Variants in CORO1C observed in about 807,000 individuals in gnomAD.
The protein encoded by CORO1C is coronin 1C.
A neutral mutation model predicts 51.2 loss-of-function variants in CORO1C; 14 were observed. The observed-to-expected ratio is 0.27, with a 90% CI of 0.18 to 0.43. The LOEUF is 0.43. Ranked by LOEUF, CORO1C falls within the 20% of genes least tolerant of loss-of-function variation. The probability of loss-of-function intolerance (pLI) is 1.00; values close to 1 mark genes in which losing one functional copy is unlikely to be tolerated. For synonymous variants in CORO1C, 181 were observed against 210.5 expected (o/e 0.86, Z 1.21); for missense variants, 417 against 607.8 (o/e 0.69, Z 3.30).
intron 8 of CORO1C, among the ~76,000 whole-genome samples, chr12:108,651,277 G>T (rs377507442): frequency 6.6e-6 from 1 of 152,158 alleles, no homozygotes; most frequent in Non-Finnish European, 1.5e-5. Flanking sequence ...TGTTTGGTAC[G>T]ACCTTATATG....
intron 4 of CORO1C, 65 bp downstream of exon 4, chr12:108,661,964 T>G: frequency 6.3e-7 from 1 of 1,590,976 alleles, no homozygotes; most frequent in African/African-American, 1.3e-5. Context: ...ACACATTTGC[T>G]TCCCCCCACT....
chr12:108,699,395 T>C (rs1228061511), intron 2 of CORO1C, among the ~76,000 whole-genome samples: 2 of 152,208 alleles, frequency 1.3e-5, no homozygotes, highest in Non-Finnish European at 2.9e-5. Context: ...CCATTCATTA[T>C]GTCTATTTTG....
intron 3 of CORO1C, among the ~76,000 whole-genome samples, chr12:108,674,691 T>C (rs1328440219): frequency 6.6e-6 from 1 of 151,672 alleles, no homozygotes; most frequent in Non-Finnish European, 1.5e-5. Context: ...TAACTGTAGA[T>C]ATGGTGGAAA....
At chr12:108,699,143 C>T (rs761018453) in intron 2 of CORO1C, among the ~76,000 whole-genome samples, 1 of 152,200 alleles carries the variant, frequency 6.6e-6, no homozygotes, top group African/African-American at 2.4e-5. Context: ...CTTATTCTAT[C>T]CTAGTTCCCA....
rs1592834424 is a variant in CORO1C, at chr12:108,646,793, A to C, written c.*610T>G. ...ATCAAAATGACCAGGTTTGTGCTGC[A>C]AAGGAGCCAGCACCATGTGGCTACT... is the stretch of plus-strand genomic sequence containing the variant. On this transcript the variant is annotated 3_prime_UTR_variant, in exon 11 of 11. Coordinates refer to ENST00000261401, the MANE Select transcript of CORO1C (RefSeq NM_014325.4). 1 of 152,780 alleles carries C rather than the reference A, an allele frequency of 6.5e-6. No homozygotes were observed. Among genetic ancestry groups the C allele is most frequent in the Non-Finnish European group, 1.5e-5 (1 of 68,056 alleles). 9.5% of individuals were successfully genotyped at this position (152,780 alleles called of 1,614,324 possible). A position where few individuals can be genotyped will look rare whatever the true frequency, so the allele number is the denominator to read the frequency against.
At chr12:108,689,861 C>T (rs946410165) in intron 2 of CORO1C, among the ~76,000 whole-genome samples, 1 of 152,186 alleles carries the variant, frequency 6.6e-6, no homozygotes, top group African/African-American at 2.4e-5. Flanking sequence ...TTCTTCAACT[C>T]AGCAAGGAGA....
At chr12:108,689,595 T>C (rs2034425625) in intron 2 of CORO1C, among the ~76,000 whole-genome samples, 1 of 152,192 alleles carries the variant, frequency 6.6e-6, no homozygotes, top group South Asian at 2.1e-4. Flanking sequence ...CAGTCCTCTA[T>C]GCCTATTATC....
rs1311806625 is a variant in CORO1C at position 108,646,740 on chromosome 12, A to C, written c.*663T>G. On this transcript the variant is annotated 3_prime_UTR_variant, in exon 11 of 11. Coordinates refer to ENST00000261401, the MANE Select transcript of CORO1C (RefSeq NM_014325.4). ...AGCGGTGGTAATATGAATCCACGTG[A>C]TTTTTCAAGTCTTCCTGTTGTACAG... 2 of 152,388 alleles carry C rather than the reference A, an allele frequency of 1.3e-5. No homozygotes were observed. Among genetic ancestry groups the C allele is most frequent in the Non-Finnish European group, 1.5e-5 (1 of 68,012 alleles). 9.4% of individuals were successfully genotyped at this position (152,388 alleles called of 1,614,324 possible).
intron 3 of CORO1C, among the ~76,000 whole-genome samples, chr12:108,671,283 C>G (rs2033708558): frequency 6.6e-6 from 1 of 151,860 alleles, no homozygotes; most frequent in Admixed American, 6.6e-5. Flanking sequence ...CATGATCGTG[C>G]CACTGTACTC....
chr12:108,659,018 CAGAGAGAGAGAGAGAGAA>C, intron 4 of CORO1C, 99 bp from the exon 5 acceptor site: 4 of 1,132,924 alleles, frequency 3.5e-6, no homozygotes, highest in Non-Finnish European at 4.8e-6. Flanking sequence ...TATGTATATG[CAGAGAGAGAGAGAGAGAA>C]AGAGAGAGAG....
At chr12:108,670,501 G>A (rs577467267) in intron 3 of CORO1C, among the ~76,000 whole-genome samples, 16 of 152,274 alleles carry the variant, frequency 1.1e-4, no homozygotes, top group African/African-American at 3.4e-4. Flanking sequence ...AGCAGTAAGA[G>A]GGATAAAAGC....
chr12:108,687,690 C>T (rs2034345942), intron 2 of CORO1C, among the ~76,000 whole-genome samples: 1 of 150,844 alleles, frequency 6.6e-6, no homozygotes, highest in African/African-American at 2.4e-5. Context: ...GAGGCTGAGG[C>T]ACGAGAATCG....
At chr12:108,665,166 C>T (rs1380098153) in intron 3 of CORO1C, among the ~76,000 whole-genome samples, 1 of 152,206 alleles carries the variant, frequency 6.6e-6, no homozygotes, top group African/African-American at 2.4e-5. Flanking sequence ...AGGGCAGAAG[C>T]AGAGCTCATA....
intron 1 of CORO1C, among the ~76,000 whole-genome samples, chr12:108,703,507 C>T (rs1360765142): frequency 6.6e-6 from 1 of 152,208 alleles, no homozygotes; most frequent in African/African-American, 2.4e-5. Flanking sequence ...AGCTGTCATG[C>T]ACGTGTAACT....
intron 2 of CORO1C, among the ~76,000 whole-genome samples, chr12:108,691,712 T>C (rs2034501579): frequency 1.3e-5 from 2 of 152,154 alleles, no homozygotes; most frequent in East Asian, 1.9e-4. Context: ...TGGCCATATA[T>C]GGTAAAAACC....
At chr12:108,684,025 G>C (rs550646605) in intron 2 of CORO1C, among the ~76,000 whole-genome samples, 1 of 152,278 alleles carries the variant, frequency 6.6e-6, no homozygotes, top group Non-Finnish European at 1.5e-5. Flanking sequence ...TCAGCAGTGT[G>C]AGTTGTTCTT....
chr12:108,686,554 A>G (rs372693521), intron 2 of CORO1C, among the ~76,000 whole-genome samples: 190 of 152,352 alleles, frequency 1.2e-3, no homozygotes, highest in Middle Eastern at 0.01. Context: ...GAAGTAGTTT[A>G]GCTGAAAATG....
chr12:108,679,035 C>T (rs538241897), intron 2 of CORO1C, among the ~76,000 whole-genome samples: 25 of 142,910 alleles, frequency 1.7e-4, no homozygotes, highest in Non-Finnish European at 2.9e-4. Flanking sequence ...CGCTTGAACC[C>T]GGTAGGCAGA....
intron 3 of CORO1C, among the ~76,000 whole-genome samples, chr12:108,670,262 A>G (rs1431189845): frequency 6.6e-6 from 1 of 152,222 alleles, no homozygotes; most frequent in Non-Finnish European, 1.5e-5. Context: ...GCAAGGGGAC[A>G]CCTGACAGAC....
Sources: allele counts gnomAD v4.1 joint callset (sites outside exome capture counted in the v4.1 genomes callset), GRCh38; gene constraint gnomAD v4.1.1; transcripts MANE v1.5; gene names NCBI Gene and HGNC (gene_info 2026-07-23, HGNC 2026-07-21).